The following MRPL39 variants were observed in gnomAD, a reference collection of about 807,000 sequenced individuals.
MRPL39 encodes the protein large ribosomal subunit protein mL39.
A neutral mutation model predicts 44.5 loss-of-function variants in MRPL39; 35 were observed. The ratio of observed to expected loss-of-function variants is 0.79; its 90% CI spans 0.60 to 1.04. The LOEUF is 1.04. Among genes scored for constraint, MRPL39 ranks in the 50% least tolerant of loss-of-function variants. MRPL39 has a pLI of 0.00. For synonymous variants in MRPL39, 139 were observed against 136.1 expected, an observed-to-expected ratio of 1.02 and a Z score of -0.15; for missense variants, 433 against 413.5, an observed-to-expected ratio of 1.05 and a Z score of -0.41.
At chr21:25,606,790 C>G (rs2031689558) in intron 1 of MRPL39, 135 bp from the exon 2 acceptor site, 1 of 652,120 alleles carries the variant, frequency 1.5e-6, no homozygotes. Flanking sequence ...GGCCCAGATA[C>G]GTGCCTCTAC....
At chr21:25,601,012 G>A (rs571686130) in intron 4 of MRPL39, among the ~76,000 whole-genome samples, 1 of 152,248 alleles carries the variant, frequency 6.6e-6, no homozygotes, top group South Asian at 2.1e-4. Context: ...GGAGGGTGAG[G>A]CGGGAGAATG....
At chr21:25,588,723 A>C in intron 9 of MRPL39, 112 bp downstream of exon 9, 2 of 996,888 alleles carry the variant, frequency 2.0e-6, no homozygotes, top group South Asian at 3.0e-5. Flanking sequence ...GAGACAACTT[A>C]CTTTTTTCCT....
Position 25,588,784 on chromosome 21 carries a change from T to C in MRPL39, c.969+51A>G, listed in dbSNP as rs376402399. 3.1e-4 allele frequency: 465 copies of C among 1,511,968 alleles called. 1 individual carries two copies. The African/African-American group carries it at 3.9e-3, about 13-fold the overall frequency. The allele number at this position is 1,511,968 out of a possible 1,614,324, so 93.7% of individuals were successfully genotyped here. ...CCCCTTTGGTTGTTATTGGTTAATT[T>C]TGATGAATTTCTTTATAGAAGAGTA... On this transcript the variant is annotated intron_variant, in intron 9 of 9. Coordinates refer to ENST00000352957, the MANE Select transcript of MRPL39 (RefSeq NM_017446.4).
In MRPL39 at chr21:25,606,357, C is replaced by A. The variant is rs950947132; in HGVS notation, c.280+92G>T. 10 of 1,169,886 alleles carry A rather than the reference C, an allele frequency of 8.5e-6. No homozygotes were observed. In the South Asian group the frequency reaches 1.6e-4, roughly 18 times the overall value. The allele number at this position is 1,169,886 out of a possible 1,614,324, so 72.5% of individuals were successfully genotyped here. On this transcript the variant is annotated intron_variant, in intron 2 of 9. Transcript: ENST00000352957. Reference sequence around the variant, plus strand: ...AGGGATTGCCATGGCCACAGATGACCAGAAGTAATTACAGCATCCTGTCTC... The same window carrying A: ...AGGGATTGCCATGGCCACAGATGACAAGAAGTAATTACAGCATCCTGTCTC...
intron 6 of MRPL39, 134 bp downstream of exon 6, chr21:25,597,168 C>A (rs1601376958): frequency 1.7e-6 from 1 of 599,732 alleles, no homozygotes; most frequent in East Asian, 3.2e-5. Flanking sequence ...TAAATGAGAT[C>A]ACAGAGGTCT....
chr21:25,606,571 G>A lies in MRPL39; in HGVS notation c.158C>T (p.Ala53Val), dbSNP rs766797798. Residue 53 changes from alanine (A) to valine (V), a missense_variant, in exon 2 of 10, where the codon GCC becomes GTC. Coordinates refer to ENST00000352957, the MANE Select transcript of MRPL39 (RefSeq NM_017446.4). ...MRNDLFNKEK[A>V]RQLSLTPRTE... ...TCGGGGAGTTAATGATAACTGCCTG[G>A]CTTTCTCTTTATTAAAGAGATCATT... 15 of 1,613,626 alleles carry A rather than the reference G, an allele frequency of 9.3e-6. No homozygotes were observed. The Middle Eastern group carries it at 6.6e-4, about 71-fold the overall frequency.
At chr21:25,602,623 TACAAG>T (rs1181067657) in intron 3 of MRPL39, among the ~76,000 whole-genome samples, 5 of 152,194 alleles carry the variant, frequency 3.3e-5, no homozygotes, top group Non-Finnish European at 7.3e-5. Flanking sequence ...CCGTTTATGT[TACAAG>T]ACAAAATTAA....
At chr21:25,604,008 A>C in intron 2 of MRPL39, 73 bp from the exon 3 acceptor site, 2 of 1,391,382 alleles carry the variant, frequency 1.4e-6, no homozygotes, top group Non-Finnish European at 2.0e-6. Context: ...TGCTATATTT[A>C]GAAATATAAC....
At chr21:25,588,514 A>G (rs2031073911) in intron 9 of MRPL39, among the ~76,000 whole-genome samples, 1 of 152,364 alleles carries the variant, frequency 6.6e-6, no homozygotes, top group African/African-American at 2.4e-5. Context: ...TAAGTTTACA[A>G]AATAAATCCT....
intron 8 of MRPL39, among the ~76,000 whole-genome samples, chr21:25,589,307 C>T (rs778426818): frequency 2.0e-5 from 3 of 152,072 alleles, no homozygotes; most frequent in Non-Finnish European, 4.4e-5. Context: ...TAAGCAATCA[C>T]AAGAAGACAG....
At chr21:25,597,208 T>G in intron 6 of MRPL39, 94 bp downstream of exon 6, 1 of 743,312 alleles carries the variant, frequency 1.3e-6, no homozygotes, top group Non-Finnish European at 2.3e-6. Flanking sequence ...CTGTCACATG[T>G]ATATCAAATA....
intron 6 of MRPL39, 46 bp downstream of exon 6, chr21:25,597,256 T>C (rs1433925622): frequency 1.6e-6 from 2 of 1,233,228 alleles, no homozygotes; most frequent in Non-Finnish European, 2.3e-6. Flanking sequence ...TTATTACATA[T>C]AATACTGGGA....
In MRPL39 at chr21:25,606,547, C is replaced by T. The variant is rs969278422; in HGVS notation, c.182G>A (p.Arg61Gln). Residue 61 changes from arginine (R) to glutamine (Q), a missense_variant, in exon 2 of 10, where the codon CGA (arginine) becomes CAA (glutamine). Physicochemically the swap from Arg to Gln is conservative, Grantham distance 43. Coordinates refer to ENST00000352957, the MANE Select transcript of MRPL39 (RefSeq NM_017446.4). ...EKARQLSLTP[R>Q]TEKIEVKHVG... ...ATGCTTAACTTCTATCTTCTCAGTT[C>T]GGGGAGTTAATGATAACTGCCTGGC... 3 of 1,613,778 alleles carry T rather than the reference C, an allele frequency of 1.9e-6. No homozygotes were observed. Among genetic ancestry groups the T allele is most frequent in the African/African-American group, 1.3e-5 (1 of 74,902 alleles).
At chr21:25,607,343 A>C in intron 1 of MRPL39, 60 bp downstream of exon 1, 2 of 1,594,216 alleles carry the variant, frequency 1.3e-6, no homozygotes, top group Non-Finnish European at 1.7e-6. Flanking sequence ...CTCAGACCCA[A>C]TCTAGACAGA....
chr21:25,596,626 G>A (rs1296634028), intron 6 of MRPL39, among the ~76,000 whole-genome samples: 12 of 151,374 alleles, frequency 7.9e-5, no homozygotes, highest in Non-Finnish European at 1.5e-5. Flanking sequence ...ATTCTAATCA[G>A]TAAACTTTCA....
intron 8 of MRPL39, among the ~76,000 whole-genome samples, chr21:25,590,505 G>A (rs1879749440): frequency 6.6e-6 from 1 of 152,158 alleles, no homozygotes; most frequent in African/African-American, 2.4e-5. Flanking sequence ...ACAAGCTTGA[G>A]TTAAAGGATG....
rs34629790 is a variant in MRPL39, at chr21:25,594,249, C to CTT, written c.702-293_702-292dup. Among the ~76,000 whole-genome samples the CTT allele has an allele frequency of 1.7e-3, 90 of 54,190 alleles. 2 individuals are homozygous for CTT. Among genetic ancestry groups the CTT allele is most frequent in the South Asian group, 3.0e-3 (8 of 2,662 alleles). The allele number at this position is 54,190 out of a possible 152,430, so 35.6% of individuals were successfully genotyped here. On this transcript the variant is annotated intron_variant, in intron 6 of 9. Transcript: ENST00000352957. ...TTCTTTCCATTTTTATTTCTTTGTT[C>CTT]TTTTTTTTTTTTTTTTTTTTGAGGC...
At chr21:25,601,772 G>A (rs550976280) in intron 3 of MRPL39, among the ~76,000 whole-genome samples, 227 of 152,230 alleles carry the variant, frequency 1.5e-3, no homozygotes, top group African/African-American at 5.0e-3. Flanking sequence ...TTTAACCCAC[G>A]ATAAAGTTAA....
intron 6 of MRPL39, among the ~76,000 whole-genome samples, chr21:25,595,075 C>A (rs1459774121): frequency 6.6e-6 from 1 of 152,214 alleles, no homozygotes; most frequent in Non-Finnish European, 1.5e-5. Flanking sequence ...TGAAACTGCA[C>A]AGCCCAGGTT....
Sources: allele counts gnomAD v4.1 joint callset (sites outside exome capture counted in the v4.1 genomes callset), GRCh38; gene constraint gnomAD v4.1.1; transcripts MANE v1.5; gene names NCBI Gene and HGNC (gene_info 2026-07-23, HGNC 2026-07-21).